GOLIM4: variants seen among roughly 807,000 people sequenced by gnomAD.
GOLIM4 encodes 130 kDa golgi-localized phosphoprotein.
A neutral mutation model predicts 107.4 loss-of-function variants in GOLIM4; 71 were observed. The ratio of observed to expected loss-of-function variants is 0.66; its 90% CI spans 0.55 to 0.81. The LOEUF (loss-of-function observed/expected upper bound fraction) is 0.81. Ranked by LOEUF, GOLIM4 falls within the 30% of genes least tolerant of loss-of-function variation. GOLIM4 has a pLI of 0.00. For missense variants in GOLIM4, 830 were observed against 826.1 expected, an observed-to-expected ratio of 1.00 and a Z score of -0.06; for synonymous variants, 327 against 294.8, an observed-to-expected ratio of 1.11 and a Z score of -1.12.
At chr3:168,077,660 C>T (rs1721139289) in intron 1 of GOLIM4, among the ~76,000 whole-genome samples, 1 of 152,186 alleles carries the variant, frequency 6.6e-6, no homozygotes, top group African/African-American at 2.4e-5. Flanking sequence ...TATATGGCTA[C>T]TCATGTAACA....
At chr3:168,013,016 C>A (rs1202418589) in intron 14 of GOLIM4, among the ~76,000 whole-genome samples, 1 of 147,916 alleles carries the variant, frequency 6.8e-6, no homozygotes, top group Non-Finnish European at 1.5e-5. Flanking sequence ...ATCATAATGA[C>A]AGGATGAAAT....
At chr3:168,073,275 G>A (rs913606076) in intron 1 of GOLIM4, among the ~76,000 whole-genome samples, 1 of 152,172 alleles carries the variant, frequency 6.6e-6, no homozygotes, top group Non-Finnish European at 1.5e-5. Context: ...TCTTCTTTGT[G>A]TTTGTAACTT....
At position 168,043,788 on chromosome 3, in the gene GOLIM4, G is replaced by T. The variant is rs1719155872; in HGVS notation, c.367-259C>A. Among the ~76,000 whole-genome samples, 4 of 152,176 alleles carry T rather than the reference G, an allele frequency of 2.6e-5. No individual in the cohort carries two copies. In the South Asian group the frequency reaches 8.3e-4, roughly 32 times the overall value. ...GAAGTTAGCATGAGAGATGGAAAGG[G>T]AAAAAATGTGGGAAAATTCCCAGGG... On this transcript the variant is annotated intron_variant, in intron 4 of 15. Coordinates refer to ENST00000470487, the MANE Select transcript of GOLIM4 (RefSeq NM_014498.5).
At chr3:168,039,684 GC>G (rs1718868520) in intron 7 of GOLIM4, among the ~76,000 whole-genome samples, 1 of 151,980 alleles carries the variant, frequency 6.6e-6, no homozygotes, top group South Asian at 2.1e-4. Flanking sequence ...TCAAATTGTT[GC>G]TCAGTCTTAC....
chr3:168,091,715 G>A (rs891955301), intron 1 of GOLIM4, among the ~76,000 whole-genome samples: 10 of 152,148 alleles, frequency 6.6e-5, no homozygotes, highest in African/African-American at 2.4e-4. Flanking sequence ...CCAAGTATGT[G>A]CTAAGAGCTC....
rs892206859 is a variant in GOLIM4 at position 168,010,843 on chromosome 3, T to C, written c.1861-20A>G. 6.6e-7 allele frequency: 1 copy of C among 1,514,190 alleles called. No homozygotes were observed. Among genetic ancestry groups the C allele is most frequent in the Non-Finnish European group, 9.2e-7 (1 of 1,091,240 alleles). The allele number at this position is 1,514,190 out of a possible 1,614,324, so 93.8% of individuals were successfully genotyped here. Reference sequence around the variant, plus strand: ...CTGAACCTAAAACAAACCACAGATATCATTTAAACACTTTTGTCTTTCAAG... The same window carrying C: ...CTGAACCTAAAACAAACCACAGATACCATTTAAACACTTTTGTCTTTCAAG... On this transcript the variant is annotated intron_variant, in intron 14 of 15. Coordinates refer to ENST00000470487, the MANE Select transcript of GOLIM4 (RefSeq NM_014498.5).
chr3:168,092,315 A>G (rs1441522579), intron 1 of GOLIM4, among the ~76,000 whole-genome samples: 1 of 152,240 alleles, frequency 6.6e-6, no homozygotes, highest in Non-Finnish European at 1.5e-5. Context: ...ATAGATAAAC[A>G]GGCAGACATA....
At chr3:168,093,427 G>A (rs1475316830) in intron 1 of GOLIM4, among the ~76,000 whole-genome samples, 3 of 152,162 alleles carry the variant, frequency 2.0e-5, no homozygotes, top group Non-Finnish European at 2.9e-5. Flanking sequence ...AGGAGGTAAT[G>A]GTGAAAATGA....
intron 3 of GOLIM4, among the ~76,000 whole-genome samples, chr3:168,045,309 T>TA (rs1719236002): frequency 6.6e-6 from 1 of 152,040 alleles, no homozygotes; most frequent in African/African-American, 2.4e-5. Context: ...GAGCATGGCT[T>TA]AAAGGGGGAA....
intron 14 of GOLIM4, among the ~76,000 whole-genome samples, 169 bp downstream of exon 14, chr3:168,024,357 T>C (rs1455732625): frequency 1.3e-5 from 2 of 152,238 alleles, no homozygotes; most frequent in African/African-American, 4.8e-5. Context: ...ACCAAATGTC[T>C]CCAGTGCCAT....
At chr3:168,049,851 C>T (rs1180314103) in intron 1 of GOLIM4, among the ~76,000 whole-genome samples, 3 of 152,158 alleles carry the variant, frequency 2.0e-5, no homozygotes, top group Admixed American at 6.5e-5. Context: ...CTTCTCCCCA[C>T]ACTGTGTCTT....
chr3:168,027,640 G>T, intron 12 of GOLIM4, 88 bp downstream of exon 12: 2 of 779,868 alleles, frequency 2.6e-6, no homozygotes, highest in Non-Finnish European at 4.6e-6. Flanking sequence ...AAATATCTGG[G>T]GCTGAAGGCT....
chr3:168,086,194 T>C (rs950561679), intron 1 of GOLIM4, among the ~76,000 whole-genome samples: 1 of 152,146 alleles, frequency 6.6e-6, no homozygotes, highest in South Asian at 2.1e-4. Context: ...GAGCTACTAA[T>C]GCAGAAGGGC....
At chr3:168,052,738 G>A (rs1022538527) in intron 1 of GOLIM4, among the ~76,000 whole-genome samples, 7 of 152,052 alleles carry the variant, frequency 4.6e-5, no homozygotes, top group African/African-American at 1.7e-4. Flanking sequence ...CTTAGAATGA[G>A]GATAGCTAAT....
intron 5 of GOLIM4, among the ~76,000 whole-genome samples, chr3:168,042,477 C>T (rs757538103): frequency 4.6e-5 from 7 of 152,106 alleles, no homozygotes; most frequent in Non-Finnish European, 1.0e-4. Context: ...GATGGGGTTT[C>T]GCCATTTTGG....
intron 1 of GOLIM4, among the ~76,000 whole-genome samples, chr3:168,053,675 T>G (rs1397966799): frequency 6.6e-6 from 1 of 152,186 alleles, no homozygotes; most frequent in Non-Finnish European, 1.5e-5. Context: ...TTAAGAGCCT[T>G]TATGTGACAG....
At chr3:168,066,784 TG>T (rs745343040) in intron 1 of GOLIM4, among the ~76,000 whole-genome samples, 4 of 152,148 alleles carry the variant, frequency 2.6e-5, no homozygotes, top group Non-Finnish European at 4.4e-5. Context: ...GTGACCTTTT[TG>T]TAGCCTTAGT....
At chr3:168,084,957 TAA>T (rs879791386) in intron 1 of GOLIM4, among the ~76,000 whole-genome samples, 3 of 145,710 alleles carry the variant, frequency 2.1e-5, no homozygotes, top group Non-Finnish European at 3.0e-5. Flanking sequence ...ACATGGAAAT[TAA>T]AAAAAAAAAA....
chr3:168,094,791 C>T (rs995711940), intron 1 of GOLIM4, among the ~76,000 whole-genome samples: 4 of 152,220 alleles, frequency 2.6e-5, no homozygotes, highest in African/African-American at 9.6e-5. Context: ...GCCCCGATTG[C>T]AGCTGGGCCT....
Sources: gnomAD v4.1 joint callset for allele counts (sites outside exome capture counted in the v4.1 genomes callset) on GRCh38, gnomAD v4.1.1 for gene constraint, MANE v1.5 for transcripts, NCBI Gene and HGNC (gene_info 2026-07-23, HGNC 2026-07-21) for gene names.